CUL1: variants seen among roughly 807,000 people sequenced by gnomAD.
CUL1 encodes cullin-1.
In CUL1, 24 loss-of-function variants were observed where a neutral mutation model predicts 118.0. The observed-to-expected ratio is 0.20, with a 90% CI of 0.15 to 0.29. The LOEUF is 0.29. Among genes scored for constraint, CUL1 ranks in the 10% least tolerant of loss-of-function variants. CUL1 has a pLI of 1.00. For synonymous variants in CUL1, 332 were observed against 340.4 expected, an observed-to-expected ratio of 0.98 and a Z score of 0.27; for missense variants, 361 against 933.8, an observed-to-expected ratio of 0.39 and a Z score of 7.99.
chr7:148,718,852 G>T (rs1798304726), intron 1 of CUL1, among the ~76,000 whole-genome samples: 1 of 152,190 alleles, frequency 6.6e-6, no homozygotes, highest in African/African-American at 2.4e-5. Flanking sequence ...ACCAGGCAAT[G>T]CAAGCATATG....
chr7:148,795,313 G>A (rs2129463562), intron 17 of CUL1, among the ~76,000 whole-genome samples: 1 of 151,882 alleles, frequency 6.6e-6, no homozygotes, highest in South Asian at 2.1e-4. Context: ...TGTATTTTTT[G>A]TAGAGATGGT....
chr7:148,703,868 TA>T, intron 1 of CUL1, among the ~76,000 whole-genome samples: 1 of 152,258 alleles, frequency 6.6e-6, no homozygotes, highest in Middle Eastern at 3.4e-3. Context: ...GCTGTCATTT[TA>T]GGGGGGTAAG....
intron 1 of CUL1, among the ~76,000 whole-genome samples, chr7:148,710,525 C>T (rs1377627138): frequency 2.6e-5 from 4 of 152,182 alleles, no homozygotes; most frequent in African/African-American, 7.2e-5. Context: ...GCCGAGATCA[C>T]GCCACTACAT....
intron 2 of CUL1, among the ~76,000 whole-genome samples, chr7:148,733,708 A>G (rs1439962291): frequency 1.3e-5 from 2 of 152,216 alleles, no homozygotes; most frequent in East Asian, 3.8e-4. Context: ...AAAATTAGAC[A>G]TGCCTCATCA....
chr7:148,778,070 CA>C (rs1203417069), intron 9 of CUL1, among the ~76,000 whole-genome samples: 12 of 13,802 alleles, frequency 8.7e-4, no homozygotes, highest in South Asian at 3.8e-3. Flanking sequence ...GACCCTGTCT[CA>C]AAAAAAAAAA....
intron 2 of CUL1, among the ~76,000 whole-genome samples, chr7:148,740,666 A>G (rs1799113502): frequency 6.6e-6 from 1 of 152,192 alleles, no homozygotes; most frequent in African/African-American, 2.4e-5. Flanking sequence ...CCTAACCCCC[A>G]GTATATTTGG....
rs755440894 is a variant in CUL1, at chr7:148,783,847, C to G, written c.1148C>G (p.Ser383Cys). 8 of 1,614,170 alleles carry G rather than the reference C, an allele frequency of 5.0e-6. No individual in the cohort carries two copies. Among genetic ancestry groups the G allele is most frequent in the Non-Finnish European group, 5.9e-6 (7 of 1,180,034 alleles). The change falls in exon 10 of 22, where the codon TCT becomes TGT. Residue 383 changes from serine (S) to cysteine (C), a missense_variant. Coordinates refer to ENST00000325222, the MANE Select transcript of CUL1 (RefSeq NM_003592.3). The part of the protein sequence containing the change: ...VHKKYNALVM[S>C]AFNNDAGFVA... ...AAAAAATACAATGCCCTGGTAATGT[C>G]TGCATTCAACAATGACGCTGGCTTT...
intron 16 of CUL1, among the ~76,000 whole-genome samples, 153 bp downstream of exon 16, chr7:148,790,594 A>G (rs895344580): frequency 5.9e-5 from 9 of 152,262 alleles, no homozygotes; most frequent in African/African-American, 2.2e-4. Flanking sequence ...TAAGAATCAG[A>G]TGAACCAAAT....
At chr7:148,772,404 G>A (rs1472694063) in intron 9 of CUL1, among the ~76,000 whole-genome samples, 3 of 137,074 alleles carry the variant, frequency 2.2e-5, no homozygotes, top group African/African-American at 8.7e-5. Flanking sequence ...GACAGAGAGA[G>A]ACTCCGTCTC....
At chr7:148,744,397 AGTGTGTGTGTGTGTGTGTGT>A (rs56093418) in intron 2 of CUL1, among the ~76,000 whole-genome samples, 10 of 143,962 alleles carry the variant, frequency 6.9e-5, no homozygotes, top group Non-Finnish European at 1.4e-4. Context: ...TTGTTTCTGC[AGTGTGTGTGTGTGTGTGTGT>A]GTGTGTGTGT....
At chr7:148,769,397 TCACA>T (rs55858322) in intron 9 of CUL1, among the ~76,000 whole-genome samples, 22,185 of 128,806 alleles carry the variant, frequency 0.17, 1,822 homozygotes, top group Admixed American at 0.21. Context: ...AGGGCCTGAT[TCACA>T]CACACACACA....
At chr7:148,781,294 G>C (rs1370417207) in intron 9 of CUL1, among the ~76,000 whole-genome samples, 1 of 151,926 alleles carries the variant, frequency 6.6e-6, no homozygotes, top group Admixed American at 6.6e-5. Flanking sequence ...TGTTGGCCAG[G>C]CTGGTCTAGA....
intron 9 of CUL1, among the ~76,000 whole-genome samples, chr7:148,781,825 T>G (rs992342991): frequency 6.6e-6 from 1 of 152,026 alleles, no homozygotes; most frequent in African/African-American, 2.4e-5. Context: ...CTGTAGCCCC[T>G]CTGCTGCTAA....
At chr7:148,785,801 G>A (rs1246475872) in intron 11 of CUL1, among the ~76,000 whole-genome samples, 1 of 152,136 alleles carries the variant, frequency 6.6e-6, no homozygotes, top group Non-Finnish European at 1.5e-5. Flanking sequence ...TTGGGTGAGT[G>A]GAGTCAGGGA....
chr7:148,766,542 T>C lies in CUL1; in HGVS notation c.790-19T>C, dbSNP rs769541263. On this transcript the variant is annotated intron_variant, in intron 7 of 21. Coordinates refer to ENST00000325222, the MANE Select transcript of CUL1 (RefSeq NM_003592.3). The stretch of plus-strand genomic sequence containing the variant: ...TTACCAATGAATCAAAACCATTCAC[T>C]TGAATTAATTTTCTCCAGGCAGAGG... 3.2e-6 allele frequency: 5 copies of C among 1,582,778 alleles called. No individual in the cohort carries two copies. In the East Asian group the frequency reaches 6.8e-5, roughly 21 times the overall value.
intron 13 of CUL1, among the ~76,000 whole-genome samples, chr7:148,788,230 C>T (rs879893828): frequency 2.6e-5 from 4 of 152,198 alleles, no homozygotes; most frequent in Non-Finnish European, 5.9e-5. Context: ...GCACACAGTT[C>T]AGCTTCTGGT....
Position 148,787,179 on chromosome 7 carries a change from A to G in CUL1, c.1479+59A>G, listed in dbSNP as rs534602841. 1.0e-5 allele frequency: 16 copies of G among 1,578,094 alleles called. 1 individual carries two copies. The South Asian group carries it at 1.2e-4, about 12-fold the overall frequency. On this transcript the variant is annotated intron_variant, in intron 13 of 21. Transcript: ENST00000325222. The surrounding 1 kb of genome is among the most constrained non-coding windows in gnomAD (Gnocchi z 5.5). ...TCTGAGTCATTATTAAAACAGCTCTATGGCCGAGCGCGGTGGCTCATGCCT... is the reference window on the plus strand; with the variant it reads ...TCTGAGTCATTATTAAAACAGCTCTGTGGCCGAGCGCGGTGGCTCATGCCT...
At position 148,796,521 on chromosome 7, in the gene CUL1, G is replaced by A. The variant is rs752180543; in HGVS notation, c.1900-1291G>A. Among the ~76,000 whole-genome samples the A allele has an allele frequency of 4.6e-5, 7 of 152,216 alleles. No individual in the cohort carries two copies. The South Asian group carries it at 1.0e-3, about 23-fold the overall frequency. The stretch of plus-strand genomic sequence containing the variant: ...AATGACTATTTTGTAATCATTCTTC[G>A]AATTACTCCTAAATATATCTTCAGA... On this transcript the variant is annotated intron_variant, in intron 17 of 21. Transcript: ENST00000325222.
chr7:148,749,632 C>T (rs893671074), intron 2 of CUL1, among the ~76,000 whole-genome samples: 3 of 152,072 alleles, frequency 2.0e-5, no homozygotes. Flanking sequence ...CTGGCCATTC[C>T]CCCATCTCTC....
Sources: allele counts gnomAD v4.1 joint callset (sites outside exome capture counted in the v4.1 genomes callset), GRCh38; gene constraint gnomAD v4.1.1; non-coding constraint Gnocchi (gnomAD v3.1); transcripts MANE v1.5; gene names NCBI Gene and HGNC (gene_info 2026-07-23, HGNC 2026-07-21).